The following SEMA3A variants were observed in gnomAD, a reference collection of about 807,000 sequenced individuals.
SEMA3A encodes semaphorin 3A.
Under a neutral mutation model 97.9 loss-of-function variants are expected in SEMA3A, and 29 were observed. The observed-to-expected ratio is 0.30, with a 90% CI of 0.22 to 0.40. The LOEUF is 0.40. SEMA3A is among the 10% of genes least tolerant of loss of function. SEMA3A has a pLI of 1.00. For synonymous variants in SEMA3A, 321 were observed against 323.7 expected (o/e 0.99, Z 0.09); for missense variants, 763 against 951.3 (o/e 0.80, Z 2.60).
chr7:84,256,941 C>A (rs1325816645), intron 3 of SEMA3A, among the ~76,000 whole-genome samples: 2 of 152,118 alleles, frequency 1.3e-5, no homozygotes, highest in East Asian at 3.9e-4. Context: ...ATCCAAAAGA[C>A]TAATATATTA....
chr7:84,444,194 C>G (rs759842231), intron 1 of SEMA3A, among the ~76,000 whole-genome samples: 9 of 152,028 alleles, frequency 5.9e-5, no homozygotes, highest in Non-Finnish European at 1.2e-4. Flanking sequence ...CCTGATTGTG[C>G]TTTTCTTCAG....
chr7:84,150,656 A>C (rs202063524), intron 1 of SEMA3A, among the ~76,000 whole-genome samples: 17,123 of 151,732 alleles, frequency 0.11, 1,390 homozygotes, highest in African/African-American at 0.22. Flanking sequence ...GGCAGTGAGG[A>C]TGGGGGAGGG....
intron 1 of SEMA3A, among the ~76,000 whole-genome samples, chr7:84,150,409 G>A (rs1459842438): frequency 1.3e-5 from 2 of 152,202 alleles, no homozygotes; most frequent in African/African-American, 2.4e-5. Context: ...GAAGCAGGGC[G>A]AGGCATTGCC....
intron 3 of SEMA3A, among the ~76,000 whole-genome samples, chr7:84,289,855 T>C (rs1350831652): frequency 6.6e-6 from 1 of 152,034 alleles, no homozygotes; most frequent in Non-Finnish European, 1.5e-5. Flanking sequence ...AACCAAAAAG[T>C]AGAAAAAATC....
chr7:84,093,933 A>G (rs77458508), intron 4 of SEMA3A, among the ~76,000 whole-genome samples: 1 of 151,824 alleles, frequency 6.6e-6, no homozygotes, highest in African/African-American at 2.4e-5. Flanking sequence ...TTAAAAAAAA[A>G]AAAAAAGAAA....
chr7:84,371,921 A>C (rs1290947445), intron 1 of SEMA3A: 1 of 152,184 alleles, frequency 6.6e-6, no homozygotes, highest in South Asian at 2.1e-4. Context: ...AAGCAAACAA[A>C]TAATTTATAA....
chr7:84,439,683 C>T (rs1203987414), intron 1 of SEMA3A, among the ~76,000 whole-genome samples: 1 of 152,040 alleles, frequency 6.6e-6, no homozygotes, highest in African/African-American at 2.4e-5. Context: ...GAATTATTCA[C>T]TGTTAGAAAG....
At chr7:84,241,126 TG>T (rs991695232) in intron 3 of SEMA3A, among the ~76,000 whole-genome samples, 18 of 152,174 alleles carry the variant, frequency 1.2e-4, no homozygotes, top group African/African-American at 4.3e-4. Context: ...TACCCAGTAA[TG>T]GGGTTGCTGG....
chr7:84,126,619 T>C (rs1267471854), intron 3 of SEMA3A, among the ~76,000 whole-genome samples: 24 of 152,232 alleles, frequency 1.6e-4, no homozygotes, highest in Non-Finnish European at 1.5e-5. Flanking sequence ...AAATTAGCCA[T>C]TTCTATTCAT....
intron 5 of SEMA3A, among the ~76,000 whole-genome samples, chr7:84,060,257 A>G (rs570474471): frequency 6.6e-6 from 1 of 152,326 alleles, no homozygotes; most frequent in Admixed American, 6.5e-5. Flanking sequence ...TTCCATTTCC[A>G]TTAAAAAGAA....
intron 15 of SEMA3A, among the ~76,000 whole-genome samples, chr7:83,966,233 T>A (rs1186972926): frequency 6.6e-6 from 1 of 152,048 alleles, no homozygotes; most frequent in Non-Finnish European, 1.5e-5. Flanking sequence ...ATCTGCTACT[T>A]CTTCATAGTG....
chr7:83,980,852 A>C (rs1789386443), intron 14 of SEMA3A, among the ~76,000 whole-genome samples: 1 of 151,954 alleles, frequency 6.6e-6, no homozygotes, highest in Non-Finnish European at 1.5e-5. Flanking sequence ...AAAATTACAT[A>C]TATCACATAT....
intron 1 of SEMA3A, among the ~76,000 whole-genome samples, chr7:84,461,976 A>G (rs75889902): frequency 0.027 from 4,053 of 152,238 alleles, 166 homozygotes; most frequent in African/African-American, 0.091. Flanking sequence ...TGTTAAAATG[A>G]TGTGATATTC....
intron 1 of SEMA3A, among the ~76,000 whole-genome samples, chr7:84,180,838 C>T (rs2116235456): frequency 6.6e-6 from 1 of 152,236 alleles, no homozygotes; most frequent in East Asian, 1.9e-4. Context: ...CAGGTCCTGG[C>T]TTACTAAATG....
At chr7:84,330,546 A>G (rs1801885972) in intron 2 of SEMA3A, among the ~76,000 whole-genome samples, 1 of 152,092 alleles carries the variant, frequency 6.6e-6, no homozygotes, top group African/African-American at 2.4e-5. Context: ...GACATAAAGT[A>G]GGAAGGCACA....
At chr7:84,204,070 C>A (rs754338030) in intron 3 of SEMA3A, among the ~76,000 whole-genome samples, 1 of 152,000 alleles carries the variant, frequency 6.6e-6, no homozygotes, top group Non-Finnish European at 1.5e-5. Flanking sequence ...CTATAGCCGG[C>A]GGACTATCAC....
chr7:84,055,176 C>T (rs1037105756), intron 5 of SEMA3A, among the ~76,000 whole-genome samples: 11 of 152,282 alleles, frequency 7.2e-5, no homozygotes, highest in Admixed American at 6.5e-4. Flanking sequence ...TGCCCTGCCC[C>T]CAGAGGTGGA....
chr7:84,065,616 C>A (rs2115721550), intron 4 of SEMA3A, among the ~76,000 whole-genome samples: 1 of 151,072 alleles, frequency 6.6e-6, no homozygotes, highest in South Asian at 2.1e-4. Flanking sequence ...GAAATACAAA[C>A]TACCATCAGA....
At position 84,246,594 on chromosome 7, in the gene SEMA3A, T is replaced by C. The variant is rs1016786496; in HGVS notation, c.-82-51926A>G. ...TATATTATATATCCAAAATGAAAAG[T>C]AATCATATAAATGCAAATGAACTAA... On this transcript the variant is annotated intron_variant, in intron 3 of 3. Transcript: ENST00000424555. 5.3e-5 allele frequency among the ~76,000 whole-genome samples: 8 copies of C among 152,196 alleles called. 1 individual carries two copies. Among genetic ancestry groups the C allele is most frequent in the African/African-American group, 1.7e-4 (7 of 41,552 alleles).
Sources: allele counts gnomAD v4.1 joint callset (sites outside exome capture counted in the v4.1 genomes callset), GRCh38; gene constraint gnomAD v4.1.1; transcripts MANE v1.5; gene names NCBI Gene and HGNC (gene_info 2026-07-23, HGNC 2026-07-21).